Variants in DNAI4 observed in about 807,000 individuals in gnomAD.
DNAI4 encodes WD repeat domain 78.
A neutral mutation model predicts 105.8 loss-of-function variants in DNAI4; 85 were observed. That is an observed-to-expected ratio of 0.80 (90% CI 0.67 to 0.96). DNAI4 has a LOEUF of 0.96. Among genes scored for constraint, DNAI4 ranks in the 40% least tolerant of loss-of-function variants. The pLI is 0.00. For synonymous variants in DNAI4, 352 were observed against 331.5 expected, an observed-to-expected ratio of 1.06 and a Z score of -0.67; for missense variants, 1,014 against 1,005.6, an observed-to-expected ratio of 1.01 and a Z score of -0.11.
intron 6 of DNAI4, among the ~76,000 whole-genome samples, chr1:66,864,514 G>A (rs562793288): frequency 6.6e-6 from 1 of 152,198 alleles, no homozygotes; most frequent in South Asian, 2.1e-4. Flanking sequence ...AGGTGATATG[G>A]GCAGTTCAGT....
chr1:66,853,452 C>T (rs940196814), intron 7 of DNAI4, among the ~76,000 whole-genome samples: 2 of 152,166 alleles, frequency 1.3e-5, no homozygotes, highest in African/African-American at 4.8e-5. Flanking sequence ...AACCACATAG[C>T]AAAGGGAAGT....
chr1:66,835,031 C>T (rs1645950475), intron 11 of DNAI4, among the ~76,000 whole-genome samples: 1 of 152,058 alleles, frequency 6.6e-6, no homozygotes, highest in South Asian at 2.1e-4. Context: ...TATCTTTCAC[C>T]TCTAACTTTT....
At chr1:66,853,257 C>T (rs1330330028) in intron 7 of DNAI4, among the ~76,000 whole-genome samples, 2 of 152,248 alleles carry the variant, frequency 1.3e-5, no homozygotes, top group Non-Finnish European at 2.9e-5. Flanking sequence ...AACTATGCCT[C>T]ATGGGCATTA....
rs1557962373 is a variant in DNAI4, at chr1:66,891,221, T to C, written c.576A>G (p.Ala192=). Residue 192 remains alanine (A), a synonymous_variant, in exon 4 of 17, where the codon GCA becomes GCG. Transcript: ENST00000371026. ...CCAGGTCTTCTGCTATTGATTCACT[T>C]GCTGATACACTTGACTTAGAAACTG... ...SSTVSKSSVS[A]SESIAEDLEE... 6.2e-7 allele frequency: 1 copy of C among 1,613,812 alleles called. No homozygotes were observed. The highest frequency in any genetic ancestry group is 8.5e-7 in the Non-Finnish European group (1 of 1,179,970).
At chr1:66,911,080 G>A (rs907542979) in intron 1 of DNAI4, among the ~76,000 whole-genome samples, 3 of 152,264 alleles carry the variant, frequency 2.0e-5, no homozygotes, top group Admixed American at 6.5e-5. Context: ...CTCTGACTTC[G>A]AATGGCAGTT....
chr1:66,909,286 A>C (rs867405858), intron 1 of DNAI4, among the ~76,000 whole-genome samples: 2 of 5,486 alleles, frequency 3.6e-4, no homozygotes, highest in Non-Finnish European at 6.9e-4. Context: ...ACCTCTCTCT[A>C]CACACACACA....
At chr1:66,836,296 GAA>G (rs1190942660) in intron 10 of DNAI4, among the ~76,000 whole-genome samples, 7 of 149,842 alleles carry the variant, frequency 4.7e-5, no homozygotes, top group Non-Finnish European at 7.4e-5. Flanking sequence ...AAGAAAGAAA[GAA>G]AGAAAGAAAG....
At chr1:66,833,970 A>G (rs1645924754) in intron 12 of DNAI4, 21 bp downstream of exon 12, 1 of 1,568,966 alleles carries the variant, frequency 6.4e-7, no homozygotes, top group Non-Finnish European at 8.6e-7. Flanking sequence ...CAAGAAAAAT[A>G]TAACTTGATT....
At position 66,874,699 on chromosome 1, in the gene DNAI4, AC is replaced by A. The variant is rs552587416; in HGVS notation, c.800+81del. 1.0e-4 allele frequency: 149 copies of A among 1,446,834 alleles called. No individual in the cohort carries two copies. The African/African-American group carries it at 1.8e-3, about 17-fold the overall frequency. The allele number at this position is 1,446,834 out of a possible 1,614,324, so 89.6% of individuals were successfully genotyped here. On this transcript the variant is annotated intron_variant, in intron 5 of 16. Transcript: ENST00000371026. ...AGTGTATACCCCAGAACCCCCAAGG[AC>A]CCTTCACAGAAACAAGGATAAGAAC...
At chr1:66,917,879 C>T (rs1042472228) in intron 1 of DNAI4, among the ~76,000 whole-genome samples, 7 of 152,298 alleles carry the variant, frequency 4.6e-5, no homozygotes, top group East Asian at 3.9e-4. Flanking sequence ...AGGAATCAAA[C>T]GTGACTTATG....
intron 1 of DNAI4, among the ~76,000 whole-genome samples, chr1:66,912,307 C>CA (rs796376234): frequency 2.6e-3 from 367 of 139,206 alleles, no homozygotes; most frequent in African/African-American, 6.0e-3. Flanking sequence ...CTCATGTCTA[C>CA]AAAAAAAAAA....
At chr1:66,874,052 T>A (rs1646910255) in intron 5 of DNAI4, among the ~76,000 whole-genome samples, 1 of 151,900 alleles carries the variant, frequency 6.6e-6, no homozygotes, top group Admixed American at 6.6e-5. Flanking sequence ...CCTATTCAAA[T>A]AATACTTTAG....
chr1:66,896,175 A>G (rs190556746), intron 2 of DNAI4, among the ~76,000 whole-genome samples: 1 of 152,314 alleles, frequency 6.6e-6, no homozygotes, highest in East Asian at 1.9e-4. Flanking sequence ...CTTTGAAGGA[A>G]GGTTTTTAAA....
intron 5 of DNAI4, 27 bp from the exon 6 acceptor site, chr1:66,871,536 C>A: frequency 2.0e-6 from 3 of 1,536,254 alleles, no homozygotes; most frequent in South Asian, 1.3e-5. Flanking sequence ...GTATCCAACT[C>A]ATTAATAAGA....
intron 4 of DNAI4, among the ~76,000 whole-genome samples, chr1:66,886,290 A>G (rs2100736413): frequency 6.6e-6 from 1 of 152,302 alleles, no homozygotes; most frequent in South Asian, 2.1e-4. Context: ...ATTATTTAAA[A>G]TGCCCTGTGC....
intron 1 of DNAI4, among the ~76,000 whole-genome samples, chr1:66,916,481 C>A (rs1181038912): frequency 6.6e-6 from 1 of 152,106 alleles, no homozygotes; most frequent in Non-Finnish European, 1.5e-5. Context: ...AGATGCTAAT[C>A]AAAATAAACG....
intron 7 of DNAI4, among the ~76,000 whole-genome samples, chr1:66,853,142 G>T (rs1646431494): frequency 1.3e-5 from 2 of 152,150 alleles, no homozygotes; most frequent in African/African-American, 2.4e-5. Flanking sequence ...AGGTCTCAGA[G>T]AAATTATTGG....
rs930829839 is a variant in DNAI4, at chr1:66,910,617, C to G, written c.171-5242G>C. On this transcript the variant is annotated intron_variant, in intron 1 of 16. Coordinates refer to ENST00000371026, the MANE Select transcript of DNAI4 (RefSeq NM_024763.5). ...AGAACAACAGGCGCAGCCCCTGTGC[C>G]TCAGGCCTTCCGTGGCTTCCCTTTC... 4.6e-5 allele frequency among the ~76,000 whole-genome samples: 7 copies of G among 152,272 alleles called. No individual in the cohort carries two copies. The South Asian group carries it at 6.2e-4, about 14-fold the overall frequency.
rs558536595 is a variant in DNAI4, at chr1:66,844,855, T to C, written c.1291+2629A>G. 5.9e-5 allele frequency among the ~76,000 whole-genome samples: 9 copies of C among 152,332 alleles called. No homozygotes were observed. The East Asian group carries it at 1.5e-3, about 26-fold the overall frequency. ...AAATATGTAACTGACAAAGGGTTTG[T>C]ATCCAGAATATATAAAAATAAGCTC... On this transcript the variant is annotated intron_variant, in intron 8 of 16. Transcript: ENST00000371026.
Sources: allele counts gnomAD v4.1 joint callset (sites outside exome capture counted in the v4.1 genomes callset), GRCh38; gene constraint gnomAD v4.1.1; transcripts MANE v1.5; gene names NCBI Gene and HGNC (gene_info 2026-07-23, HGNC 2026-07-21).